The following HTR7 variants were observed in gnomAD, a reference collection of about 807,000 sequenced individuals.
HTR7 encodes 5-hydroxytryptamine receptor 7.
Under a neutral mutation model 34.0 loss-of-function variants are expected in HTR7, and 16 were observed. That is an observed-to-expected ratio of 0.47 (90% CI 0.32 to 0.71). The LOEUF is 0.71. Among genes scored for constraint, HTR7 ranks in the 30% least tolerant of loss-of-function variants. The pLI is 0.04. For synonymous variants in HTR7, 265 were observed against 260.2 expected, an observed-to-expected ratio of 1.02 and a Z score of -0.18; for missense variants, 504 against 625.5, an observed-to-expected ratio of 0.81 and a Z score of 2.07.
chr10:90,846,820 T>C (rs569170253), intron 1 of HTR7, among the ~76,000 whole-genome samples: 50 of 152,330 alleles, frequency 3.3e-4, no homozygotes, highest in African/African-American at 1.1e-3. Context: ...AAAGCAGGAA[T>C]TCCCATAACT....
rs1415107819 is a variant in HTR7, at chr10:90,804,645, T to C, written c.539+52488A>G. 2.0e-5 allele frequency among the ~76,000 whole-genome samples: 3 copies of C among 152,188 alleles called. No individual in the cohort carries two copies. The East Asian group carries it at 5.8e-4, about 29-fold the overall frequency. On this transcript the variant is annotated intron_variant, in intron 1 of 3. Coordinates refer to ENST00000336152, the MANE Select transcript of HTR7 (RefSeq NM_019859.4). ...GTTCAAAGGCCAGAAATATCAGCTG[T>C]TTATCCCAGGTAATAAGAGATCTGA...
chr10:90,761,597 T>A (rs1285289261), intron 1 of HTR7, among the ~76,000 whole-genome samples: 1 of 151,660 alleles, frequency 6.6e-6, no homozygotes, highest in African/African-American at 2.4e-5. Context: ...AGGTAACACA[T>A]CTATTACCTC....
intron 1 of HTR7, among the ~76,000 whole-genome samples, chr10:90,787,576 T>A (rs2119868293): frequency 6.6e-6 from 1 of 152,310 alleles, no homozygotes; most frequent in South Asian, 2.1e-4. Flanking sequence ...GGTGGGGATT[T>A]ACGTCAGCTA....
intron 1 of HTR7, among the ~76,000 whole-genome samples, chr10:90,801,424 A>G (rs1052595000): frequency 2.6e-5 from 4 of 152,222 alleles, no homozygotes; most frequent in African/African-American, 9.6e-5. Flanking sequence ...GCTGGTTAAA[A>G]GAAATCAATA....
chr10:90,777,669 C>T (rs1369123004), intron 1 of HTR7, among the ~76,000 whole-genome samples: 4 of 152,156 alleles, frequency 2.6e-5, no homozygotes, highest in Non-Finnish European at 4.4e-5. Flanking sequence ...GCTGTGTAAC[C>T]TGACCATCAT....
At chr10:90,836,904 T>C (rs938471398) in intron 1 of HTR7, among the ~76,000 whole-genome samples, 1 of 152,206 alleles carries the variant, frequency 6.6e-6, no homozygotes, top group Non-Finnish European at 1.5e-5. Context: ...TAACAACTTA[T>C]GTAAGGTCAT....
chr10:90,747,349 T>A (rs1174334796), intron 2 of HTR7, among the ~76,000 whole-genome samples: 1 of 152,234 alleles, frequency 6.6e-6, no homozygotes, highest in East Asian at 1.9e-4. Flanking sequence ...TTCAACGAAC[T>A]CTTATAGGCA....
intron 1 of HTR7, among the ~76,000 whole-genome samples, chr10:90,812,331 C>T (rs1310632682): frequency 4.6e-5 from 7 of 152,000 alleles, no homozygotes; most frequent in Non-Finnish European, 7.4e-5. Context: ...TGCCGGTTTA[C>T]ACTGTTTCTC....
At chr10:90,821,325 G>T (rs933989843) in intron 1 of HTR7, among the ~76,000 whole-genome samples, 2 of 152,180 alleles carry the variant, frequency 1.3e-5, no homozygotes, top group Non-Finnish European at 2.9e-5. Context: ...CCGTGCACTT[G>T]GGGGAGAAAG....
chr10:90,757,402 C>A (rs747532893), intron 1 of HTR7, among the ~76,000 whole-genome samples: 11 of 152,220 alleles, frequency 7.2e-5, no homozygotes, highest in Non-Finnish European at 1.3e-4. Context: ...GGACACTGAG[C>A]TCAACCAGGG....
At chr10:90,832,121 A>T (rs914825341) in intron 1 of HTR7, among the ~76,000 whole-genome samples, 1 of 152,308 alleles carries the variant, frequency 6.6e-6, no homozygotes, top group Non-Finnish European at 1.5e-5. Flanking sequence ...CACCCAGTGG[A>T]TCTGGCACTG....
intron 1 of HTR7, among the ~76,000 whole-genome samples, chr10:90,810,778 T>C (rs911747349): frequency 2.1e-4 from 32 of 152,206 alleles, no homozygotes; most frequent in African/African-American, 3.1e-4. Flanking sequence ...TTACCTGGGC[T>C]GTACTGCCGC....
chr10:90,857,754 G>C lies in HTR7; in HGVS notation c.-83C>G. On this transcript the variant is annotated 5_prime_UTR_variant, in exon 1 of 4. Transcript: ENST00000336152. This position sits in a 1 kb window ranked among gnomAD's most constrained non-coding sequence, Gnocchi z 6.5. Reference sequence around the variant, plus strand: ...GCCGGCCCCGGGGCTTCACCTCACCGGTTCCGCTCCGCCCGGCCCAGCCAT... The same window carrying C: ...GCCGGCCCCGGGGCTTCACCTCACCCGTTCCGCTCCGCCCGGCCCAGCCAT... The C allele has an allele frequency of 3.8e-6, 5 of 1,315,872 alleles. No individual in the cohort carries two copies. Among genetic ancestry groups the C allele is most frequent in the Non-Finnish European group, 4.9e-6 (5 of 1,023,692 alleles). 81.5% of individuals were successfully genotyped at this position (1,315,872 alleles called of 1,614,324 possible).
At chr10:90,823,132 G>A (rs900215993) in intron 1 of HTR7, among the ~76,000 whole-genome samples, 3 of 152,212 alleles carry the variant, frequency 2.0e-5, no homozygotes, top group East Asian at 1.9e-4. Context: ...GCACTGCCTC[G>A]TGGAGCTGTT....
chr10:90,846,138 T>A (rs1245375100), intron 1 of HTR7, among the ~76,000 whole-genome samples: 1 of 152,232 alleles, frequency 6.6e-6, no homozygotes, highest in Non-Finnish European at 1.5e-5. Flanking sequence ...TAATAAAATA[T>A]CTTGAGGATG....
intron 1 of HTR7, among the ~76,000 whole-genome samples, chr10:90,771,243 G>C (rs1316698071): frequency 6.6e-6 from 1 of 152,168 alleles, no homozygotes; most frequent in Non-Finnish European, 1.5e-5. Context: ...GGTCTCTGCT[G>C]GTTGTTCTAT....
At chr10:90,811,234 C>T (rs1845804153) in intron 1 of HTR7, among the ~76,000 whole-genome samples, 1 of 152,202 alleles carries the variant, frequency 6.6e-6, no homozygotes, top group Non-Finnish European at 1.5e-5. Context: ...CTTGACCTTA[C>T]TGTTTTAGGC....
chr10:90,782,020 A>G (rs1384530156), intron 1 of HTR7, among the ~76,000 whole-genome samples: 2 of 152,208 alleles, frequency 1.3e-5, no homozygotes, highest in African/African-American at 4.8e-5. Context: ...AGGACCAAGC[A>G]TTGGCCTCTG....
At chr10:90,822,411 T>C (rs1845998557) in intron 1 of HTR7, among the ~76,000 whole-genome samples, 2 of 152,238 alleles carry the variant, frequency 1.3e-5, no homozygotes, top group African/African-American at 2.4e-5. Context: ...TGAGGGTATC[T>C]GGCAGAAGAA....
Sources: allele counts gnomAD v4.1 joint callset (sites outside exome capture counted in the v4.1 genomes callset), GRCh38; gene constraint gnomAD v4.1.1; non-coding constraint Gnocchi (gnomAD v3.1); transcripts MANE v1.5; gene names NCBI Gene and HGNC (gene_info 2026-07-23, HGNC 2026-07-21).